The following RIF1 variants were observed in gnomAD, a reference collection of about 807,000 sequenced individuals.
The protein encoded by RIF1 is replication timing regulatory factor 1.
A neutral mutation model predicts 247.1 loss-of-function variants in RIF1; 45 were observed. That is an observed-to-expected ratio of 0.18 (90% CI 0.14 to 0.23). The LOEUF is 0.23. Ranked by LOEUF, RIF1 falls within the 10% of genes least tolerant of loss-of-function variation. The pLI is 1.00. For synonymous variants in RIF1, 1,087 were observed against 978.8 expected (o/e 1.11, Z -2.06); for missense variants, 2,967 against 2,862.5 (o/e 1.04, Z -0.83).
the RIF1 span, chr2:151,530,863 T>C: frequency 1.6e-6 from 1 of 612,030 alleles, no homozygotes; most frequent in African/African-American, 1.8e-5. Flanking sequence ...GCAAAAGAGA[T>C]GACTATTATT....
chr2:151,528,546 C>T, the RIF1 span, among the ~76,000 whole-genome samples: 8 of 152,254 alleles, frequency 5.3e-5, no homozygotes, highest in African/African-American at 9.6e-5. Flanking sequence ...CCTCAGGATA[C>T]GTACAAGCTC....
Position 151,443,310 on chromosome 2 carries a change from TGTG to T in RIF1, c.1790_1792del (p.Gly597del). 1 of 1,599,194 alleles carries T rather than the reference TGTG, an allele frequency of 6.3e-7. No homozygotes were observed. Among genetic ancestry groups the T allele is most frequent in the Non-Finnish European group, 8.6e-7 (1 of 1,167,524 alleles). ...ATTAATTTTCAACAATTTCTTGGAA[TGTG>T]GTGTATCAGATGAAAGGTAAGTTTG... On this transcript the variant is annotated inframe_deletion, in exon 17 of 36. Transcript: ENST00000444746.
At chr2:151,415,965 T>C (rs1687155442) in intron 4 of RIF1, among the ~76,000 whole-genome samples, 1 of 152,212 alleles carries the variant, frequency 6.6e-6, no homozygotes, top group African/African-American at 2.4e-5. Flanking sequence ...ATATGCTGAA[T>C]TGAAAAGTTC....
Position 151,478,301 on chromosome 2 carries a change from T to C in RIF1, c.*3230T>C, listed in dbSNP as rs1237135648. The C allele has an allele frequency of 6.6e-6, 1 of 152,100 alleles. No homozygotes were observed. The highest frequency in any genetic ancestry group is 1.5e-5 in the Non-Finnish European group (1 of 68,052). The allele number at this position is 152,100 out of a possible 1,614,324, so 9.4% of individuals were successfully genotyped here. A position where few individuals can be genotyped will look rare whatever the true frequency, so the allele number is the denominator to read the frequency against. The stretch of plus-strand genomic sequence containing the variant: ...AGGAGTTCAAAACTGACCTGAACAA[T>C]GTGGCGAAATCCTGTCTCTACTAAA... On this transcript the variant is annotated 3_prime_UTR_variant, in exon 36 of 36. Coordinates refer to ENST00000444746, the MANE Select transcript of RIF1 (RefSeq NM_018151.5).
chr2:151,468,807 A>G (rs1440683531), intron 33 of RIF1, 51 bp downstream of exon 33: 4 of 1,230,460 alleles, frequency 3.3e-6, no homozygotes, highest in Non-Finnish European at 4.8e-6. Context: ...CCACTTATTT[A>G]AGAGGACTTA....
At chr2:151,444,595 G>A (rs938276946) in intron 18 of RIF1, among the ~76,000 whole-genome samples, 2 of 152,200 alleles carry the variant, frequency 1.3e-5, no homozygotes, top group African/African-American at 4.8e-5. Flanking sequence ...ACTGTGCTCA[G>A]CTTTTTACAT....
chr2:151,421,629 C>T (rs572598987), intron 7 of RIF1, among the ~76,000 whole-genome samples: 65 of 152,302 alleles, frequency 4.3e-4, no homozygotes, highest in African/African-American at 1.4e-3. Context: ...AAGCTGGTCT[C>T]GAACTCCTGG....
chr2:151,442,883 TGCCTCAGTCTCCC>T (rs1464412707), intron 16 of RIF1, among the ~76,000 whole-genome samples: 1 of 150,372 alleles, frequency 6.7e-6, no homozygotes, highest in Non-Finnish European at 1.5e-5. Flanking sequence ...GCCATTCTCC[TGCCTCAGTCTCCC>T]GAGTAGCTGG....
At chr2:151,419,937 C>A (rs1390106317) in intron 6 of RIF1, among the ~76,000 whole-genome samples, 1 of 152,072 alleles carries the variant, frequency 6.6e-6, no homozygotes, top group Non-Finnish European at 1.5e-5. Context: ...TGGAACCAAT[C>A]CCCCAGGGAT....
chr2:151,420,914 A>G (rs936144652), intron 7 of RIF1, among the ~76,000 whole-genome samples: 3 of 152,178 alleles, frequency 2.0e-5, no homozygotes, highest in Non-Finnish European at 2.9e-5. Flanking sequence ...ATTTTACTTC[A>G]TTCCCAATAA....
chr2:151,420,196 T>G lies in RIF1; in HGVS notation c.510T>G (p.Ile170Met), dbSNP rs1422198457. 1 of 1,612,654 alleles carries G rather than the reference T, an allele frequency of 6.2e-7. No homozygotes were observed. The highest frequency in any genetic ancestry group is 8.5e-7 in the Non-Finnish European group (1 of 1,178,970). Reference sequence around the variant, plus strand: ...ATTGATTTCTCTATTATAGGCTAATTGAACAAGCCCCAATTCAAATGGGAG... The same window carrying G: ...ATTGATTTCTCTATTATAGGCTAATGGAACAAGCCCCAATTCAAATGGGAG... The part of the protein sequence containing the change: ...FEALNVIVRL[I>M]EQAPIQMGEE... Residue 170 changes from isoleucine to methionine, a missense_variant, in exon 7 of 36, where the codon ATT (isoleucine) becomes ATG (methionine). Around this residue, in one of 7 missense-constraint regions of RIF1, gnomAD observed 269 missense variants for 288.6 expected, o/e 0.93. Transcript: ENST00000444746.
chr2:151,439,468 C>T (rs1166656515), intron 14 of RIF1, among the ~76,000 whole-genome samples: 1 of 151,888 alleles, frequency 6.6e-6, no homozygotes, highest in African/African-American at 2.4e-5. Context: ...AGTTTGAGAC[C>T]CGTCTGACCA....
At chr2:151,516,715 C>T in the RIF1 span, among the ~76,000 whole-genome samples, 4 of 152,170 alleles carry the variant, frequency 2.6e-5, no homozygotes, top group African/African-American at 9.7e-5. Flanking sequence ...AGATCCAGTA[C>T]ATTTTTGTTG....
chr2:151,454,890 T>C lies in RIF1; in HGVS notation c.2345-5T>C, dbSNP rs757017156. The stretch of plus-strand genomic sequence containing the variant: ...GTTTTTAATTAATTCAGTTTTTGTT[T>C]TTAGCACCACAGAGACCTTCAGATT... On this transcript the variant is annotated splice_polypyrimidine_tract_variant and splice_region_variant and intron_variant, in intron 21 of 35. Transcript: ENST00000444746. 4 of 1,553,182 alleles carry C rather than the reference T, an allele frequency of 2.6e-6. No individual in the cohort carries two copies. In the South Asian group the frequency reaches 3.7e-5, roughly 14 times the overall value.
At chr2:151,437,860 CAG>C (rs1691539104) in intron 13 of RIF1, among the ~76,000 whole-genome samples, 1 of 152,160 alleles carries the variant, frequency 6.6e-6, no homozygotes, top group Non-Finnish European at 1.5e-5. Flanking sequence ...ATAAGTTATG[CAG>C]AGTCACTTAC....
the RIF1 span, chr2:151,530,809 A>G: frequency 3.8e-6 from 2 of 520,744 alleles, 1 homozygote; most frequent in Non-Finnish European, 6.8e-6. Flanking sequence ...CAACATGGGG[A>G]GCAGGACTGT....
intron 12 of RIF1, chr2:151,505,709 A>G (rs973055774): frequency 1.5e-5 from 10 of 687,304 alleles, no homozygotes; most frequent in Non-Finnish European, 2.1e-5. Flanking sequence ...CTTAGTGTGA[A>G]TGGGACCTCA....
chr2:151,435,284 A>G (rs1690946832), intron 10 of RIF1, among the ~76,000 whole-genome samples, 179 bp from the exon 11 acceptor site: 1 of 152,224 alleles, frequency 6.6e-6, no homozygotes, highest in South Asian at 2.1e-4. Context: ...TTTAGGGCAA[A>G]TACAGTTGTA....
rs758627906 is a variant in RIF1, at chr2:151,464,318, C to G, written c.4798C>G (p.Gln1600Glu). Residue 1600 changes from glutamine (Q) to glutamate (E), a missense_variant, in exon 30 of 36, where the codon CAG becomes GAG. Physicochemically the swap from Gln to Glu is conservative, Grantham distance 29 (BLOSUM62 2). Transcript: ENST00000444746. The stretch of plus-strand genomic sequence containing the variant: ...ACAGGAATGTATAAAAGCTGAAAAT[C>G]AGTCACATGATTATAAAGCAACTTC... ...VKQECIKAEN[Q>E]SHDYKATSEE... 3.6e-5 allele frequency: 58 copies of G among 1,611,212 alleles called. No individual in the cohort carries two copies. The highest frequency in any genetic ancestry group is 4.4e-5 in the Non-Finnish European group (52 of 1,179,388).
Sources: allele counts gnomAD v4.1 joint callset (sites outside exome capture counted in the v4.1 genomes callset), GRCh38; gene constraint gnomAD v4.1.1; regional missense constraint gnomAD v4.1.1; transcripts MANE v1.5; gene names NCBI Gene and HGNC (gene_info 2026-07-23, HGNC 2026-07-21).